Variants in PLCG2 observed in about 807,000 individuals in gnomAD.
The protein encoded by PLCG2 is 1-phosphatidylinositol 4,5-bisphosphate phosphodiesterase gamma-2.
Under a neutral mutation model 175.6 loss-of-function variants are expected in PLCG2, and 69 were observed. The ratio of observed to expected loss-of-function variants is 0.39; its 90% CI spans 0.32 to 0.48. The LOEUF (loss-of-function observed/expected upper bound fraction) is 0.48, where lower values mean the gene tolerates loss of function less well. Among genes scored for constraint, PLCG2 ranks in the 20% least tolerant of loss-of-function variants. The pLI is 0.91. For synonymous variants in PLCG2, 827 were observed against 624.0 expected, an observed-to-expected ratio of 1.33 and a Z score of -4.85; for missense variants, 1,798 against 1,650.9, an observed-to-expected ratio of 1.09 and a Z score of -1.54.
chr16:81,884,943 A>T (rs995043409), intron 9 of PLCG2, among the ~76,000 whole-genome samples: 1 of 152,120 alleles, frequency 6.6e-6, no homozygotes, highest in Non-Finnish European at 1.5e-5. Flanking sequence ...GCTGGAGAGC[A>T]GTGGCATGGT....
At chr16:81,950,408 A>C (rs941366600) in intron 31 of PLCG2, among the ~76,000 whole-genome samples, 23 of 152,246 alleles carry the variant, frequency 1.5e-4, no homozygotes, top group African/African-American at 5.5e-4. Flanking sequence ...ATAGTACCTA[A>C]GTATATAAGA....
At chr16:81,763,015 C>A (rs1245175140) in intron 2 of PLCG2, among the ~76,000 whole-genome samples, 1 of 151,952 alleles carries the variant, frequency 6.6e-6, no homozygotes, top group Admixed American at 6.6e-5. Flanking sequence ...TATGATCATG[C>A]CACTGTATTC....
In PLCG2 at chr16:81,885,986, C is replaced by T. The variant is rs138255155; in HGVS notation, c.765+2645C>T. ...ATAAGTTAATTTTATTGGGCACAGTCACGTTAGGTCTGAGCTGGTGCTAGA... is the reference window on the plus strand; with the variant it reads ...ATAAGTTAATTTTATTGGGCACAGTTACGTTAGGTCTGAGCTGGTGCTAGA... On this transcript the variant is annotated intron_variant, in intron 9 of 32. Transcript: ENST00000564138. Among the ~76,000 whole-genome samples the T allele has an allele frequency of 2.3e-3, 350 of 152,312 alleles. 1 individual carries two copies. Among genetic ancestry groups the T allele is most frequent in the African/African-American group, 8.1e-3 (338 of 41,566 alleles).
chr16:81,741,594 G>A (rs139558735), intron 1 of PLCG2, among the ~76,000 whole-genome samples: 63 of 152,278 alleles, frequency 4.1e-4, no homozygotes, highest in African/African-American at 1.4e-3. Flanking sequence ...CAGATCAGTT[G>A]AGGCCAGGAG....
chr16:81,905,425 G>A lies in PLCG2; in HGVS notation c.1385G>A (p.Gly462Asp), dbSNP rs1909323788. The change falls in exon 15 of 33, where the codon GGC (glycine) becomes GAC (aspartate). Residue 462 changes from glycine (G) to aspartate (D), a missense_variant. Gly to Asp is a moderately conservative substitution (Grantham distance 94). Transcript: ENST00000564138. The stretch of plus-strand genomic sequence containing the variant: ...CAGCATAAGAAGCTGGGCCCCCGAG[G>A]CGATGTGGATGTCAACATGGAGGAC... Reference protein sequence around the residue: ...IIKHKKLGPRGDVDVNMEDKK... With the variant: ...IIKHKKLGPRDDVDVNMEDKK... 2 of 1,614,084 alleles carry A rather than the reference G, an allele frequency of 1.2e-6. No individual in the cohort carries two copies. The highest frequency in any genetic ancestry group is 1.6e-4 in the Middle Eastern group (1 of 6,062).
At chr16:81,809,487 T>C (rs1162678359) in intron 2 of PLCG2, among the ~76,000 whole-genome samples, 2 of 152,206 alleles carry the variant, frequency 1.3e-5, no homozygotes, top group Non-Finnish European at 2.9e-5. Flanking sequence ...CTTCCTTCCC[T>C]GTCCACCACC....
intron 12 of PLCG2, among the ~76,000 whole-genome samples, chr16:81,894,371 G>A (rs1266833309): frequency 1.3e-5 from 2 of 152,234 alleles, no homozygotes; most frequent in African/African-American, 4.8e-5. Context: ...TGAGGCTGTG[G>A]TGAGCTGTGA....
At chr16:81,933,737 C>G (rs1185842251) in intron 25 of PLCG2, among the ~76,000 whole-genome samples, 1 of 152,158 alleles carries the variant, frequency 6.6e-6, no homozygotes, top group African/African-American at 2.4e-5. Context: ...CAAACAGTCA[C>G]CATTATTATC....
At position 81,813,510 on chromosome 16, in the gene PLCG2, A is replaced by G. The variant is rs139201133; in HGVS notation, c.193+27328A>G. Among the ~76,000 whole-genome samples, 298 of 152,278 alleles carry G rather than the reference A, an allele frequency of 2.0e-3. 1 individual carries two copies. Among genetic ancestry groups the G allele is most frequent in the African/African-American group, 6.8e-3 (281 of 41,558 alleles). The stretch of plus-strand genomic sequence containing the variant: ...GTAGAAATGGTTGTGATTTTTGCAC[A>G]TTGATTTTGTATCCTGAGACTCTGC... On this transcript the variant is annotated intron_variant, in intron 2 of 32. Transcript: ENST00000564138.
At chr16:81,830,819 G>A (rs920445077) in intron 2 of PLCG2, among the ~76,000 whole-genome samples, 4 of 151,896 alleles carry the variant, frequency 2.6e-5, no homozygotes, top group African/African-American at 9.7e-5. Context: ...GAAGGGTGAG[G>A]GGGGCATCGG....
At position 81,785,923 on chromosome 16, in the gene PLCG2, C is replaced by G; in HGVS notation, c.-47-20C>G. On this transcript the variant is annotated intron_variant, in intron 1 of 32. Coordinates refer to ENST00000564138, the MANE Select transcript of PLCG2 (RefSeq NM_002661.5). ...CTTTCAGTACTAAAATCAGTTCACT[C>G]TTTAATTCTGCCCTTTCAGCTTCCT... 6 of 1,468,348 alleles carry G rather than the reference C, an allele frequency of 4.1e-6. No individual in the cohort carries two copies. The highest frequency in any genetic ancestry group is 5.6e-6 in the Non-Finnish European group (6 of 1,063,886). The allele number at this position is 1,468,348 out of a possible 1,614,324, so 91.0% of individuals were successfully genotyped here. A position where few individuals can be genotyped will look rare whatever the true frequency, so the allele number is the denominator to read the frequency against.
chr16:81,758,933 C>T (rs999077599), intron 2 of PLCG2, among the ~76,000 whole-genome samples: 3 of 152,218 alleles, frequency 2.0e-5, no homozygotes, highest in Admixed American at 2.0e-4. Context: ...CTGCCTCGGC[C>T]TCCCAAAGTG....
chr16:81,888,432 G>C (rs111670531), intron 9 of PLCG2, among the ~76,000 whole-genome samples: 34,636 of 152,110 alleles, frequency 0.23, 4,190 homozygotes, highest in Middle Eastern at 0.3. Context: ...TCACCATGTT[G>C]GCCAGGCTGG....
At chr16:81,780,792 C>G (rs1023323553) in intron 1 of PLCG2, among the ~76,000 whole-genome samples, 3 of 152,084 alleles carry the variant, frequency 2.0e-5, no homozygotes, top group Non-Finnish European at 2.9e-5. Flanking sequence ...TTTGGGAGGC[C>G]GAGCTGGGCT....
At chr16:81,943,999 C>G (rs940756750) in intron 30 of PLCG2, among the ~76,000 whole-genome samples, 2 of 152,068 alleles carry the variant, frequency 1.3e-5, no homozygotes, top group Non-Finnish European at 2.9e-5. Context: ...CAAAAGAGGA[C>G]AAATTTAGCC....
intron 1 of PLCG2, among the ~76,000 whole-genome samples, chr16:81,782,713 C>A (rs931615074): frequency 6.6e-6 from 1 of 152,224 alleles, no homozygotes; most frequent in African/African-American, 2.4e-5. Context: ...GTGCTCTGTG[C>A]ATGTTAAGCC....
chr16:81,760,756 A>AT (rs1555562063), intron 2 of PLCG2, among the ~76,000 whole-genome samples: 1,326 of 84,496 alleles, frequency 0.016, 10 homozygotes, highest in Middle Eastern at 0.038. Flanking sequence ...ATTAAAAAAA[A>AT]AAATAATAAT....
chr16:81,867,363 C>G (rs1907293740), intron 5 of PLCG2, among the ~76,000 whole-genome samples: 1 of 152,184 alleles, frequency 6.6e-6, no homozygotes, highest in Non-Finnish European at 1.5e-5. Context: ...ACCCACCCAC[C>G]CCACTAATTT....
chr16:81,844,747 G>T (rs1247161851), intron 2 of PLCG2, among the ~76,000 whole-genome samples: 1 of 152,216 alleles, frequency 6.6e-6, no homozygotes, highest in Non-Finnish European at 1.5e-5. Flanking sequence ...CAGATAGTGA[G>T]AATTTGCATA....
Sources: gnomAD v4.1 joint callset for allele counts (sites outside exome capture counted in the v4.1 genomes callset) on GRCh38, gnomAD v4.1.1 for gene constraint, MANE v1.5 for transcripts, NCBI Gene and HGNC (gene_info 2026-07-23, HGNC 2026-07-21) for gene names.